MARCHF1: variants seen among roughly 807,000 people sequenced by gnomAD.
MARCHF1 encodes E3 ubiquitin-protein ligase MARCHF1.
A neutral mutation model predicts 54.2 loss-of-function variants in MARCHF1; 40 were observed. That is an observed-to-expected ratio of 0.74 (90% confidence interval 0.57 to 0.96). The LOEUF (loss-of-function observed/expected upper bound fraction) is 0.96, where lower values mean the gene tolerates loss of function less well. MARCHF1 is among the 40% of genes least tolerant of loss of function. The pLI, the probability that MARCHF1 is intolerant of heterozygous loss-of-function variation, is 0.00. For missense variants in MARCHF1, 586 were observed against 656.5 expected (o/e 0.89, Z 1.17); for synonymous variants, 236 against 236.3 (o/e 1.00, Z 0.01).
At chr4:163,809,691 T>A (rs748693212) in intron 4 of MARCHF1, among the ~76,000 whole-genome samples, 1 of 152,106 alleles carries the variant, frequency 6.6e-6, no homozygotes, top group Non-Finnish European at 1.5e-5. Context: ...ACATATATCA[T>A]GTATATTATA....
rs117071292 is a variant in MARCHF1, at chr4:163,553,763, A to G, written c.1192-8020T>C. Among the ~76,000 whole-genome samples, 27 of 152,330 alleles carry G rather than the reference A, an allele frequency of 1.8e-4. No individual in the cohort carries two copies. The East Asian group carries it at 5.2e-3, about 29-fold the overall frequency. On this transcript the variant is annotated intron_variant, in intron 8 of 9. Transcript: ENST00000514618. ...AGGTTAAAGGAACTCAAACATTCCA[A>G]ATAAACTCAAAGCATGAGCGTGGGT...
At position 163,894,922 on chromosome 4, in the gene MARCHF1, CATGTGATGCATATATATAT is replaced by C. The variant is rs1750766451; in HGVS notation, c.-38-40772_-38-40754del. ...CATGTGATGCATATATATATATATG[CATGTGATGCATATATATAT>C]ATGCATGTGATGCATATATATATAT... On this transcript the variant is annotated intron_variant, in intron 3 of 9. Coordinates refer to ENST00000514618, the MANE Select transcript of MARCHF1 (RefSeq NM_001394959.1). 7.2e-5 allele frequency among the ~76,000 whole-genome samples: 3 copies of C among 41,476 alleles called. 1 individual carries two copies. The highest frequency in any genetic ancestry group is 1.9e-4 in the African/African-American group (3 of 15,440). 27.2% of individuals were successfully genotyped at this position (41,476 alleles called of 152,430 possible). A position where few individuals can be genotyped will look rare whatever the true frequency, so the allele number is the denominator to read the frequency against.
At chr4:163,807,362 G>A (rs927245666) in intron 4 of MARCHF1, among the ~76,000 whole-genome samples, 30 of 151,746 alleles carry the variant, frequency 2.0e-4, no homozygotes, top group African/African-American at 6.1e-4. Context: ...TCTTTCTATG[G>A]GTATGTAAAT....
At position 163,755,990 on chromosome 4, in the gene MARCHF1, A is replaced by G. The variant is rs565909583; in HGVS notation, c.112-55127T>C. Among the ~76,000 whole-genome samples the G allele has an allele frequency of 2.0e-5, 3 of 152,310 alleles. No homozygotes were observed. In the East Asian group the frequency reaches 5.8e-4, roughly 29 times the overall value. ...CACCCCCTCTAATAAGCAGTGAAAT[A>G]TATTTTATTCTATTATATAATTTGA... On this transcript the variant is annotated intron_variant, in intron 4 of 9. Coordinates refer to ENST00000514618, the MANE Select transcript of MARCHF1 (RefSeq NM_001394959.1).
chr4:164,274,672 T>C lies in MARCHF1; in HGVS notation c.-323+109198A>G, dbSNP rs1460641995. ...CTTCAGGGTACACTTTTTTTTTTTT[T>C]TTTTTTTTTTTTTTTTTTTTTTTAG... On this transcript the variant is annotated intron_variant, in intron 1 of 9. Coordinates refer to ENST00000514618, the MANE Select transcript of MARCHF1 (RefSeq NM_001394959.1). Among the ~76,000 whole-genome samples the C allele has an allele frequency of 2.8e-3, 327 of 116,372 alleles. 24 individuals carry two copies. Among genetic ancestry groups the C allele is most frequent in the African/African-American group, 9.6e-3 (280 of 29,072 alleles). 76.3% of individuals were successfully genotyped at this position (116,372 alleles called of 152,430 possible).
At chr4:163,803,259 T>A (rs1748132304) in intron 4 of MARCHF1, among the ~76,000 whole-genome samples, 1 of 152,190 alleles carries the variant, frequency 6.6e-6, no homozygotes, top group African/African-American at 2.4e-5. Context: ...CTGCAACCTC[T>A]GCCTCCCGGG....
At chr4:163,559,154 A>AT (rs1220822907) in intron 8 of MARCHF1, among the ~76,000 whole-genome samples, 1 of 152,120 alleles carries the variant, frequency 6.6e-6, no homozygotes, top group African/African-American at 2.4e-5. Context: ...ACAATAGCTT[A>AT]TTTTTTATTA....
chr4:163,613,034 C>T lies in MARCHF1; in HGVS notation c.247G>A (p.Ala83Thr). The T allele has an allele frequency of 6.7e-7, 1 of 1,483,432 alleles. No individual in the cohort carries two copies. Among genetic ancestry groups the T allele is most frequent in the Non-Finnish European group, 8.9e-7 (1 of 1,126,300 alleles). 91.9% of individuals were successfully genotyped at this position (1,483,432 alleles called of 1,614,324 possible). A position where few individuals can be genotyped will look rare whatever the true frequency, so the allele number is the denominator to read the frequency against. The change falls in exon 7 of 10, where the codon GCC becomes ACC. Residue 83 changes from alanine (A) to threonine (T), a missense_variant. Transcript: ENST00000514618. ...CPSTQDICRS[A>T]ILHDMSEESF... Reference sequence around the variant, plus strand: ...TCTTCTGACATGTCATGCAAGATGGCAGATCTAGACAGAGCAGCAGGCAAA... The same window carrying T: ...TCTTCTGACATGTCATGCAAGATGGTAGATCTAGACAGAGCAGCAGGCAAA...
chr4:163,767,577 G>A (rs1039745118), intron 4 of MARCHF1, among the ~76,000 whole-genome samples: 2 of 151,802 alleles, frequency 1.3e-5, no homozygotes, highest in Non-Finnish European at 2.9e-5. Context: ...CTCATGATCC[G>A]CCCACCTCGG....
At chr4:164,182,021 G>A (rs1356929466) in intron 1 of MARCHF1, among the ~76,000 whole-genome samples, 3 of 151,992 alleles carry the variant, frequency 2.0e-5, no homozygotes, top group African/African-American at 7.2e-5. Flanking sequence ...AGAACTTCAG[G>A]TAAAAGGTAA....
chr4:164,008,229 A>G (rs140291281), intron 2 of MARCHF1, among the ~76,000 whole-genome samples: 2 of 152,316 alleles, frequency 1.3e-5, no homozygotes, highest in East Asian at 3.9e-4. Context: ...TTATAAAAAG[A>G]GGAGAATAAG....
At chr4:163,794,848 TATAA>T (rs1402957047) in intron 4 of MARCHF1, among the ~76,000 whole-genome samples, 3 of 151,098 alleles carry the variant, frequency 2.0e-5, no homozygotes, top group African/African-American at 7.4e-5. Context: ...ATAAAATGCA[TATAA>T]ATATATTTCT....
chr4:163,628,662 C>G (rs1031352178), intron 5 of MARCHF1, among the ~76,000 whole-genome samples: 1 of 152,078 alleles, frequency 6.6e-6, no homozygotes, highest in Admixed American at 6.5e-5. Context: ...TTGTCTCAGC[C>G]CAAAATCTCC....
At chr4:163,558,233 G>A (rs1050648218) in intron 8 of MARCHF1, among the ~76,000 whole-genome samples, 4 of 152,140 alleles carry the variant, frequency 2.6e-5, no homozygotes, top group African/African-American at 7.2e-5. Context: ...AGGCGTGAAC[G>A]GTTCAATGTG....
At chr4:164,322,344 T>C (rs535689261) in intron 1 of MARCHF1, among the ~76,000 whole-genome samples, 2 of 152,124 alleles carry the variant, frequency 1.3e-5, no homozygotes, top group Admixed American at 6.6e-5. Flanking sequence ...CAATATATAC[T>C]AATTTCCTTT....
intron 4 of MARCHF1, among the ~76,000 whole-genome samples, chr4:163,792,163 C>G (rs940821060): frequency 2.6e-5 from 4 of 152,184 alleles, no homozygotes; most frequent in African/African-American, 9.6e-5. Flanking sequence ...AACAACATGT[C>G]ATTATGCCAT....
At chr4:164,067,532 CAGA>C (rs1754755545) in intron 2 of MARCHF1, among the ~76,000 whole-genome samples, 1 of 152,116 alleles carries the variant, frequency 6.6e-6, no homozygotes, top group African/African-American at 2.4e-5. Flanking sequence ...TAGCCATATG[CAGA>C]AGAATGAAAC....
chr4:163,696,970 C>A (rs1424161405), intron 5 of MARCHF1, among the ~76,000 whole-genome samples: 2 of 152,078 alleles, frequency 1.3e-5, no homozygotes, highest in Non-Finnish European at 2.9e-5. Context: ...ATGCTTATGG[C>A]TGTGATTTAT....
chr4:164,098,609 G>A (rs1416264312), intron 2 of MARCHF1, among the ~76,000 whole-genome samples: 13 of 152,206 alleles, frequency 8.5e-5, no homozygotes, highest in Non-Finnish European at 7.3e-5. Context: ...CACAACGAAA[G>A]TGATAGAGCA....
Sources: gnomAD v4.1 joint callset for allele counts (sites outside exome capture counted in the v4.1 genomes callset) on GRCh38, gnomAD v4.1.1 for gene constraint, MANE v1.5 for transcripts, NCBI Gene and HGNC (gene_info 2026-07-23, HGNC 2026-07-21) for gene names.